Variants in CDH18 observed in about 807,000 individuals in gnomAD.
CDH18 encodes cadherin 18, also known as cadherin-18.
In CDH18, 31 loss-of-function variants were observed where a neutral mutation model predicts 67.9. The observed-to-expected ratio is 0.46, with a 90% CI of 0.34 to 0.62. CDH18 has a LOEUF of 0.62. Ranked by LOEUF, CDH18 falls within the 20% of genes least tolerant of loss-of-function variation. CDH18 has a pLI of 0.01. For missense variants in CDH18, 890 were observed against 975.5 expected (o/e 0.91, Z 1.17); for synonymous variants, 362 against 347.2 (o/e 1.04, Z -0.48).
At chr5:19,903,430 G>C (rs1246091119) in intron 2 of CDH18, among the ~76,000 whole-genome samples, 1 of 151,056 alleles carries the variant, frequency 6.6e-6, no homozygotes, top group East Asian at 1.9e-4. Flanking sequence ...TGTTACCTCT[G>C]AGCTTCTAAG....
At chr5:20,162,243 T>C (rs1735945942) in intron 2 of CDH18, among the ~76,000 whole-genome samples, 1 of 152,002 alleles carries the variant, frequency 6.6e-6, no homozygotes, top group African/African-American at 2.4e-5. Flanking sequence ...AATTAGTTTT[T>C]GGTCTCATGA....
chr5:19,482,059 AAG>A (rs1440916161), intron 12 of CDH18, among the ~76,000 whole-genome samples: 2 of 152,134 alleles, frequency 1.3e-5, no homozygotes, highest in East Asian at 1.9e-4. Context: ...AAATTAGAGA[AAG>A]TGTGTTTTTT....
intron 5 of CDH18, among the ~76,000 whole-genome samples, chr5:19,643,203 G>A (rs192285405): frequency 3.4e-3 from 520 of 152,148 alleles, no homozygotes; most frequent in Middle Eastern, 0.024. Flanking sequence ...GCGAGGTGAT[G>A]GAGAAAGTGA....
At chr5:19,683,636 A>G (rs1297490512) in intron 5 of CDH18, among the ~76,000 whole-genome samples, 1 of 152,040 alleles carries the variant, frequency 6.6e-6, no homozygotes, top group African/African-American at 2.4e-5. Context: ...GATAATGGGC[A>G]TTTATTACAA....
At chr5:19,929,978 G>T (rs1000034427) in intron 2 of CDH18, among the ~76,000 whole-genome samples, 2 of 151,994 alleles carry the variant, frequency 1.3e-5, no homozygotes, top group African/African-American at 4.8e-5. Context: ...AGAAAAAATA[G>T]GTTCAGATGT....
chr5:20,003,863 C>T (rs1051971804), intron 2 of CDH18, among the ~76,000 whole-genome samples: 2 of 152,206 alleles, frequency 1.3e-5, no homozygotes, highest in Admixed American at 6.5e-5. Flanking sequence ...AGCCACTGCA[C>T]TCCAGCCTGG....
At chr5:20,195,254 A>G (rs1423644124) in intron 2 of CDH18, among the ~76,000 whole-genome samples, 1 of 152,008 alleles carries the variant, frequency 6.6e-6, no homozygotes, top group Non-Finnish European at 1.5e-5. Context: ...CTGTTATATA[A>G]GATTTTGTTT....
At chr5:19,626,807 A>G (rs1293129326) in intron 5 of CDH18, among the ~76,000 whole-genome samples, 1 of 152,198 alleles carries the variant, frequency 6.6e-6, no homozygotes, top group Non-Finnish European at 1.5e-5. Context: ...GGTTTTAACT[A>G]GGACTATAAT....
intron 2 of CDH18, among the ~76,000 whole-genome samples, chr5:19,952,473 T>C (rs1014445584): frequency 1.3e-5 from 2 of 152,290 alleles, no homozygotes; most frequent in Admixed American, 1.3e-4. Flanking sequence ...TGCTCTGCTG[T>C]CAATCCAAAG....
At chr5:20,181,735 CT>C (rs766497955) in intron 2 of CDH18, among the ~76,000 whole-genome samples, 6 of 152,028 alleles carry the variant, frequency 3.9e-5, no homozygotes, top group Non-Finnish European at 7.4e-5. Context: ...CCAGGGCCTG[CT>C]TGCGTTAAAG....
chr5:19,883,680 C>T (rs1288240064), intron 2 of CDH18, among the ~76,000 whole-genome samples: 1 of 151,888 alleles, frequency 6.6e-6, no homozygotes, highest in Non-Finnish European at 1.5e-5. Context: ...TTTGAAAATG[C>T]CAAGTGAATT....
chr5:20,139,917 T>G (rs1750091739), intron 2 of CDH18, among the ~76,000 whole-genome samples: 1 of 152,176 alleles, frequency 6.6e-6, no homozygotes, highest in African/African-American at 2.4e-5. Flanking sequence ...TAGTGTTTCC[T>G]TAAGGATCTA....
chr5:19,709,004 TTAAATAA>T (rs1764339204), intron 5 of CDH18, among the ~76,000 whole-genome samples: 1 of 149,186 alleles, frequency 6.7e-6, no homozygotes, highest in East Asian at 2.0e-4. Flanking sequence ...CTAGACTCTG[TTAAATAA>T]ATAAATAAAT....
intron 9 of CDH18, among the ~76,000 whole-genome samples, chr5:19,539,930 C>T (rs1749985398): frequency 6.6e-6 from 1 of 152,104 alleles, no homozygotes; most frequent in Admixed American, 6.6e-5. Flanking sequence ...CTCATGTCAT[C>T]ACATTTCAAA....
chr5:20,110,638 C>T (rs578193972), intron 2 of CDH18, among the ~76,000 whole-genome samples: 3 of 152,092 alleles, frequency 2.0e-5, no homozygotes, highest in Non-Finnish European at 2.9e-5. Flanking sequence ...TAGCTGAGAT[C>T]GCACCACTGC....
intron 2 of CDH18, among the ~76,000 whole-genome samples, chr5:20,202,650 T>C (rs1739543269): frequency 6.6e-6 from 1 of 152,108 alleles, no homozygotes; most frequent in African/African-American, 2.4e-5. Flanking sequence ...ACATTCAGGT[T>C]CTTTTTATTT....
At chr5:20,314,707 C>G (rs565760092) in intron 1 of CDH18, among the ~76,000 whole-genome samples, 1 of 152,080 alleles carries the variant, frequency 6.6e-6, no homozygotes, top group African/African-American at 2.4e-5. Context: ...TTTTTAAAAG[C>G]CTAAGTATAC....
intron 1 of CDH18, among the ~76,000 whole-genome samples, chr5:20,550,195 G>T (rs1322097747): frequency 6.6e-6 from 1 of 152,114 alleles, no homozygotes; most frequent in African/African-American, 2.4e-5. Flanking sequence ...TATTCAAAAG[G>T]TAATGGTAAA....
At chr5:20,195,354 C>A (rs1181653049) in intron 2 of CDH18, among the ~76,000 whole-genome samples, 2 of 151,888 alleles carry the variant, frequency 1.3e-5, no homozygotes, top group Non-Finnish European at 2.9e-5. Flanking sequence ...AATGTCTAAC[C>A]CAGCTAATAT....
Sources: allele counts gnomAD v4.1 joint callset (sites outside exome capture counted in the v4.1 genomes callset), GRCh38; gene constraint gnomAD v4.1.1; transcripts MANE v1.5; gene names NCBI Gene and HGNC (gene_info 2026-07-23, HGNC 2026-07-21).